The following PSD3 variants were observed in gnomAD, a reference collection of about 807,000 sequenced individuals.
PSD3 encodes pleckstrin and Sec7 domain containing 3.
In PSD3, 49 loss-of-function variants were observed where a neutral mutation model predicts 105.5. That is an observed-to-expected ratio of 0.46 (90% CI 0.37 to 0.59). The LOEUF (loss-of-function observed/expected upper bound fraction) is 0.59, where lower values mean the gene tolerates loss of function less well. Among genes scored for constraint, PSD3 ranks in the 20% least tolerant of loss-of-function variants. The pLI is 0.00. For synonymous variants in PSD3, 557 were observed against 457.8 expected (o/e 1.22, Z -2.77); for missense variants, 1,561 against 1,263.8 (o/e 1.24, Z -3.57).
intron 9 of PSD3, among the ~76,000 whole-genome samples, chr8:18,662,176 G>C (rs1809396414): frequency 6.6e-6 from 1 of 151,994 alleles, no homozygotes; most frequent in Admixed American, 6.6e-5. Context: ...ATGAACACTA[G>C]AAAATTACTC....
chr8:18,565,442 A>G (rs931235879), intron 14 of PSD3, among the ~76,000 whole-genome samples: 7 of 152,242 alleles, frequency 4.6e-5, no homozygotes, highest in African/African-American at 1.7e-4. Context: ...TTGTTCAGAA[A>G]GTACCACGCT....
rs148482635 is a variant in PSD3 at position 18,925,425 on chromosome 8, A to G, written c.130+10609T>C. The stretch of plus-strand genomic sequence containing the variant: ...TATATATACACACACACACATATAC[A>G]TATAATAAAAATTCTCTAATTTTTT... On this transcript the variant is annotated intron_variant, in intron 2 of 15. Coordinates refer to ENST00000327040, the MANE Select transcript of PSD3 (RefSeq NM_015310.4). Among the ~76,000 whole-genome samples the G allele has an allele frequency of 2.3e-3, 353 of 152,124 alleles. 1 individual carries two copies. Among genetic ancestry groups the G allele is most frequent in the African/African-American group, 8.1e-3 (336 of 41,478 alleles).
intron 10 of PSD3, among the ~76,000 whole-genome samples, chr8:18,633,137 C>T (rs1031033728): frequency 1.3e-5 from 2 of 151,954 alleles, no homozygotes; most frequent in Admixed American, 6.6e-5. Context: ...GTCTTTTCAC[C>T]GTTTACAATG....
chr8:18,600,822 G>C (rs956048125), intron 11 of PSD3, among the ~76,000 whole-genome samples: 1 of 152,168 alleles, frequency 6.6e-6, no homozygotes, highest in Non-Finnish European at 1.5e-5. Flanking sequence ...AAAGCTTAAA[G>C]AGCTCATGTA....
intron 1 of PSD3, among the ~76,000 whole-genome samples, chr8:18,955,241 G>C (rs868652404): frequency 1.3e-5 from 2 of 151,988 alleles, no homozygotes; most frequent in East Asian, 3.9e-4. Flanking sequence ...TATACATGAC[G>C]TCTCTTTTGT....
At chr8:18,562,640 G>C (rs1027944255) in intron 14 of PSD3, among the ~76,000 whole-genome samples, 4 of 152,112 alleles carry the variant, frequency 2.6e-5, no homozygotes, top group Non-Finnish European at 5.9e-5. Context: ...TGTAATCCTA[G>C]CACTTTAAGA....
chr8:18,908,406 G>C (rs978289606), intron 2 of PSD3, among the ~76,000 whole-genome samples: 3 of 152,052 alleles, frequency 2.0e-5, no homozygotes, highest in Non-Finnish European at 4.4e-5. Context: ...CTCAGTCTCA[G>C]GTCTTTTTAG....
At chr8:18,854,596 T>G (rs1435754938) in intron 4 of PSD3, among the ~76,000 whole-genome samples, 1 of 152,184 alleles carries the variant, frequency 6.6e-6, no homozygotes, top group Non-Finnish European at 1.5e-5. Context: ...AGCACTAAAG[T>G]TTTTTGAACA....
chr8:18,776,260 C>CTATA (rs1390865625), intron 8 of PSD3, among the ~76,000 whole-genome samples: 1 of 144,140 alleles, frequency 6.9e-6, no homozygotes, highest in African/African-American at 2.6e-5. Flanking sequence ...CTCTCTCTCT[C>CTATA]TATATATATA....
At chr8:18,565,488 A>T (rs1012358496) in intron 14 of PSD3, among the ~76,000 whole-genome samples, 1 of 152,222 alleles carries the variant, frequency 6.6e-6, no homozygotes, top group Non-Finnish European at 1.5e-5. Context: ...ATTAAGGCTA[A>T]TGTGTTTTGC....
chr8:18,828,067 A>ATACATATATATATATATAT (rs371473289), intron 4 of PSD3, among the ~76,000 whole-genome samples: 1 of 118,896 alleles, frequency 8.4e-6, no homozygotes, highest in African/African-American at 3.5e-5. Flanking sequence ...ATATATATAT[A>ATACATATATATATATATAT]TTTTTTTTTT....
chr8:18,753,796 A>G (rs1805799253), intron 9 of PSD3, among the ~76,000 whole-genome samples: 1 of 152,154 alleles, frequency 6.6e-6, no homozygotes, highest in Non-Finnish European at 1.5e-5. Flanking sequence ...AATCAAACCA[A>G]GTAAACAAAA....
chr8:18,910,183 C>G (rs1021477665), intron 2 of PSD3, among the ~76,000 whole-genome samples: 1 of 151,472 alleles, frequency 6.6e-6, no homozygotes, highest in Non-Finnish European at 1.5e-5. Flanking sequence ...AAGACACATG[C>G]ACACGTATGT....
At chr8:18,823,693 T>G (rs1037189317) in intron 4 of PSD3, among the ~76,000 whole-genome samples, 13 of 152,120 alleles carry the variant, frequency 8.5e-5, no homozygotes, top group Non-Finnish European at 1.5e-4. Flanking sequence ...TGATACCATT[T>G]AAAACTTGCC....
chr8:18,535,908 C>G lies in PSD3; in HGVS notation c.2979G>C (p.Glu993Asp), dbSNP rs746177456. 1.5e-5 allele frequency: 25 copies of G among 1,614,080 alleles called. No individual in the cohort carries two copies. Among genetic ancestry groups the G allele is most frequent in the Non-Finnish European group, 2.0e-5 (24 of 1,180,046 alleles). ...YVSILKEGGKELLSNDESEAA... is the reference protein window; with the variant it reads ...YVSILKEGGKDLLSNDESEAA... The stretch of plus-strand genomic sequence containing the variant: ...CCTCGCTTTCATCGTTACTCAGTAG[C>G]TCTTTGCCTCCTTCCTTGAGAATGC... The change falls in exon 16 of 16, where the codon GAG becomes GAC. Residue 993 changes from glutamate (E) to aspartate (D), a missense_variant. By Grantham distance (45) the Glu-to-Asp change is conservative (BLOSUM62 2). Transcript: ENST00000327040.
At chr8:18,678,679 C>G (rs534080663) in intron 9 of PSD3, among the ~76,000 whole-genome samples, 1 of 99,872 alleles carries the variant, frequency 1.0e-5, no homozygotes, top group Non-Finnish European at 2.0e-5. Context: ...GACGTGGTGG[C>G]GCATGCCTGT....
chr8:18,554,377 T>G (rs115055681), intron 15 of PSD3, among the ~76,000 whole-genome samples: 1,922 of 152,324 alleles, frequency 0.013, 52 homozygotes, highest in African/African-American at 0.044. Context: ...TTTTTGTTGT[T>G]GGTTTATTTT....
At chr8:18,928,091 C>T (rs1025844122) in intron 2 of PSD3, among the ~76,000 whole-genome samples, 1 of 152,170 alleles carries the variant, frequency 6.6e-6, no homozygotes, top group African/African-American at 2.4e-5. Flanking sequence ...AAAGGAAAAG[C>T]AACCCAAATG....
intron 1 of PSD3, among the ~76,000 whole-genome samples, chr8:18,999,290 T>C (rs1461946518): frequency 6.6e-6 from 1 of 151,894 alleles, no homozygotes; most frequent in Non-Finnish European, 1.5e-5. Context: ...TGACACAAGT[T>C]ACCCGGGAAG....
Sources: gnomAD v4.1 joint callset for allele counts (sites outside exome capture counted in the v4.1 genomes callset) on GRCh38, gnomAD v4.1.1 for gene constraint, MANE v1.5 for transcripts, NCBI Gene and HGNC (gene_info 2026-07-23, HGNC 2026-07-21) for gene names.